Variants in MAP2K4 observed in about 807,000 individuals in gnomAD.
The protein encoded by MAP2K4 is mitogen-activated protein kinase kinase 4.
Under a neutral mutation model 48.5 loss-of-function variants are expected in MAP2K4, and 4 were observed. The observed-to-expected ratio is 0.08, with a 90% CI of 0.04 to 0.19. The LOEUF is 0.19. Among genes scored for constraint, MAP2K4 ranks in the 10% least tolerant of loss-of-function variants. MAP2K4 has a pLI of 1.00. For missense variants in MAP2K4, 258 were observed against 493.3 expected (o/e 0.52, Z 4.52); for synonymous variants, 166 against 173.1 (o/e 0.96, Z 0.32).
At chr17:12,077,374 G>T (rs758943569) in intron 2 of MAP2K4, among the ~76,000 whole-genome samples, 1 of 152,104 alleles carries the variant, frequency 6.6e-6, no homozygotes, top group Non-Finnish European at 1.5e-5. Flanking sequence ...TAATGCTAGG[G>T]GCTGTATTAA....
intron 2 of MAP2K4, among the ~76,000 whole-genome samples, chr17:12,075,394 G>C (rs1173259608): frequency 6.6e-6 from 1 of 152,158 alleles, no homozygotes; most frequent in Admixed American, 6.6e-5. Context: ...TGATTTGAAA[G>C]CATACAAATT....
At position 12,142,898 on chromosome 17, in the gene MAP2K4, T is replaced by G. The variant is rs1973416164; in HGVS notation, c.*1638T>G. ...AAACAGTCATGGCCTGAGATGCAGG[T>G]GATGCCATTACAGAACCAAATCGTG... On this transcript the variant is annotated 3_prime_UTR_variant, in exon 11 of 11. Coordinates refer to ENST00000353533, the MANE Select transcript of MAP2K4 (RefSeq NM_003010.4). 1 of 232,616 alleles carries G rather than the reference T, an allele frequency of 4.3e-6. No individual in the cohort carries two copies. Among genetic ancestry groups the G allele is most frequent in the South Asian group, 1.8e-4 (1 of 5,526 alleles). 14.4% of individuals were successfully genotyped at this position (232,616 alleles called of 1,614,324 possible).
At chr17:12,109,730 A>G (rs532865032) in intron 5 of MAP2K4, among the ~76,000 whole-genome samples, 1 of 152,278 alleles carries the variant, frequency 6.6e-6, no homozygotes, top group South Asian at 2.1e-4. Flanking sequence ...AAACTTTTTT[A>G]TTTACTACTG....
chr17:12,124,968 C>G (rs1439691057), intron 7 of MAP2K4: 1 of 295,152 alleles, frequency 3.4e-6, no homozygotes, highest in East Asian at 7.0e-5. Flanking sequence ...CGCCACTGCA[C>G]CTGGCGACCT....
chr17:12,058,816 A>G (rs1970364380), intron 2 of MAP2K4, among the ~76,000 whole-genome samples: 1 of 152,202 alleles, frequency 6.6e-6, no homozygotes, highest in Admixed American at 6.5e-5. Context: ...AATATCATCA[A>G]ATAAGCAGAT....
chr17:12,111,859 C>T (rs1972317609), intron 6 of MAP2K4, among the ~76,000 whole-genome samples: 1 of 90,134 alleles, frequency 1.1e-5, no homozygotes, highest in Non-Finnish European at 2.6e-5. Flanking sequence ...TTCTGTCCTC[C>T]TTCATGTGTT....
At chr17:12,067,359 G>T (rs1382695075) in intron 2 of MAP2K4, among the ~76,000 whole-genome samples, 1 of 152,110 alleles carries the variant, frequency 6.6e-6, no homozygotes, top group Non-Finnish European at 1.5e-5. Context: ...AAGTAGCTGT[G>T]TTTTCTCGAC....
intron 2 of MAP2K4, among the ~76,000 whole-genome samples, chr17:12,064,073 A>T (rs374288525): frequency 6.6e-6 from 1 of 151,548 alleles, no homozygotes; most frequent in Non-Finnish European, 1.5e-5. Flanking sequence ...TTCACAATGT[A>T]TATATATATA....
Position 12,032,328 on chromosome 17 carries a change from A to T in MAP2K4, c.115+11327A>T, listed in dbSNP as rs776304242. 2.4e-6 allele frequency: 3 copies of T among 1,230,368 alleles called. No individual in the cohort carries two copies. In the African/African-American group the frequency reaches 4.6e-5, roughly 19 times the overall value. 76.2% of individuals were successfully genotyped at this position (1,230,368 alleles called of 1,614,324 possible). On this transcript the variant is annotated intron_variant, in intron 1 of 10. Transcript: ENST00000353533. ...GCTACAAATTTTATGATATTATGCT[A>T]TTTATTTTTTTCATATCCATCTTGG...
At chr17:12,106,498 G>T (rs1972117150) in intron 4 of MAP2K4, among the ~76,000 whole-genome samples, 1 of 152,144 alleles carries the variant, frequency 6.6e-6, no homozygotes, top group Admixed American at 6.6e-5. Flanking sequence ...ATTAGGGACA[G>T]TGGATTCTAT....
chr17:12,123,400 C>A (rs775493636), intron 7 of MAP2K4, among the ~76,000 whole-genome samples: 28 of 152,188 alleles, frequency 1.8e-4, no homozygotes, highest in Non-Finnish European at 3.7e-4. Context: ...CTCTTTCATT[C>A]TGATTTTAGT....
chr17:12,070,318 A>G (rs896834210), intron 2 of MAP2K4, among the ~76,000 whole-genome samples: 1 of 152,172 alleles, frequency 6.6e-6, no homozygotes, highest in Non-Finnish European at 1.5e-5. Context: ...GCTGAAAGAT[A>G]GGTAGATATG....
intron 9 of MAP2K4, among the ~76,000 whole-genome samples, chr17:12,138,469 G>A (rs1204095183): frequency 3.3e-5 from 5 of 152,022 alleles, no homozygotes; most frequent in Non-Finnish European, 4.4e-5. Flanking sequence ...TGAAGTGGAA[G>A]TGGATCATCA....
chr17:12,044,087 G>A (rs1419214385), intron 1 of MAP2K4, among the ~76,000 whole-genome samples: 5 of 152,172 alleles, frequency 3.3e-5, no homozygotes, highest in African/African-American at 1.2e-4. Flanking sequence ...AGACACTCCT[G>A]TCACTCAGGA....
chr17:12,093,426 G>A (rs748927382), intron 3 of MAP2K4, among the ~76,000 whole-genome samples: 3 of 152,076 alleles, frequency 2.0e-5, no homozygotes, highest in Non-Finnish European at 2.9e-5. Flanking sequence ...CTGTAGCTAC[G>A]GTAGGGTTTT....
intron 1 of MAP2K4, among the ~76,000 whole-genome samples, chr17:12,038,145 C>T (rs763038311): frequency 6.6e-6 from 1 of 152,100 alleles, no homozygotes; most frequent in African/African-American, 2.4e-5. Context: ...TGAACAGATA[C>T]AGAGTAGAAA....
At chr17:12,034,497 A>C (rs761255109) in intron 1 of MAP2K4, among the ~76,000 whole-genome samples, 1 of 152,144 alleles carries the variant, frequency 6.6e-6, no homozygotes, top group Non-Finnish European at 1.5e-5. Flanking sequence ...TTCCCATTGG[A>C]AGGCTCCTCT....
At chr17:12,105,404 CTTAGT>C (rs990205663) in intron 4 of MAP2K4, among the ~76,000 whole-genome samples, 7 of 152,056 alleles carry the variant, frequency 4.6e-5, no homozygotes, top group Non-Finnish European at 7.4e-5. Context: ...TTCCTGGTGA[CTTAGT>C]TTATATTTTT....
At chr17:12,032,005 A>G (rs1297113237) in intron 1 of MAP2K4, among the ~76,000 whole-genome samples, 1 of 152,152 alleles carries the variant, frequency 6.6e-6, no homozygotes, top group Non-Finnish European at 1.5e-5. Context: ...TTTTTATTAA[A>G]TATATATGAA....
Sources: allele counts gnomAD v4.1 joint callset (sites outside exome capture counted in the v4.1 genomes callset), GRCh38; gene constraint gnomAD v4.1.1; transcripts MANE v1.5; gene names NCBI Gene and HGNC (gene_info 2026-07-23, HGNC 2026-07-21).